PDE1A: variants seen among roughly 807,000 people sequenced by gnomAD.
PDE1A encodes phosphodiesterase 1A, also known as dual specificity calcium/calmodulin-dependent 3',5'-cyclic nucleotide phosphodiesterase 1A.
PDE1A carries 35 observed loss-of-function variants against 61.7 expected under a neutral mutation model. That is an observed-to-expected ratio of 0.57 (90% CI 0.43 to 0.75). The LOEUF is 0.75. Ranked by LOEUF, PDE1A falls within the 30% of genes least tolerant of loss-of-function variation. The probability of loss-of-function intolerance (pLI) is 0.00; values close to 1 mark genes in which losing one functional copy is unlikely to be tolerated. For synonymous variants in PDE1A, 232 were observed against 213.2 expected, an observed-to-expected ratio of 1.09 and a Z score of -0.77; for missense variants, 597 against 630.6, an observed-to-expected ratio of 0.95 and a Z score of 0.57.
At chr2:182,606,496 A>G in the PDE1A span, among the ~76,000 whole-genome samples, 11 of 152,188 alleles carry the variant, frequency 7.2e-5, no homozygotes, top group African/African-American at 2.7e-4. Context: ...GTATTTATAT[A>G]ATGAAAATTC....
At chr2:182,145,320 T>C (rs2125258454), downstream of PDE1A, among the ~76,000 whole-genome samples, 1 of 152,156 alleles carries the variant, frequency 6.6e-6, no homozygotes, top group South Asian at 2.1e-4. Flanking sequence ...GGCAGGGCTT[T>C]CTCAAACTGA....
upstream of PDE1A, among the ~76,000 whole-genome samples, chr2:182,525,922 G>GA (rs10709860): frequency 1.3e-5 from 2 of 151,088 alleles, no homozygotes; most frequent in South Asian, 2.1e-4. Flanking sequence ...CCTGAAAAAA[G>GA]AAAAAAAAGT....
At chr2:182,269,306 T>C (rs1459684881) in intron 1 of PDE1A, among the ~76,000 whole-genome samples, 2 of 151,870 alleles carry the variant, frequency 1.3e-5, no homozygotes, top group Non-Finnish European at 2.9e-5. Flanking sequence ...CTGGCCAACA[T>C]GGAGAAACTC....
At chr2:182,695,438 TG>T in the PDE1A span, among the ~76,000 whole-genome samples, 1 of 151,984 alleles carries the variant, frequency 6.6e-6, no homozygotes, top group Non-Finnish European at 1.5e-5. Context: ...TTAAAATTTC[TG>T]CTCTGCAAAA....
chr2:182,426,308 A>G (rs973473630), intron 1 of PDE1A, among the ~76,000 whole-genome samples: 2 of 152,240 alleles, frequency 1.3e-5, no homozygotes, highest in African/African-American at 2.4e-5. Context: ...AGATTGCATA[A>G]CGTTTCCAAA....
At chr2:182,201,662 A>AAAAAAC in intron 9 of PDE1A, 26 bp downstream of exon 9, 1 of 1,545,014 alleles carries the variant, frequency 6.5e-7, no homozygotes, top group Non-Finnish European at 8.7e-7. Context: ...AAAAAAAAAA[A>AAAAAAC]ACAACAAAAA....
chr2:182,304,858 T>C (rs900997989), intron 1 of PDE1A, among the ~76,000 whole-genome samples: 1 of 152,182 alleles, frequency 6.6e-6, no homozygotes, highest in Non-Finnish European at 1.5e-5. Context: ...TTGCAAGAAT[T>C]ACTAAAATAT....
the PDE1A span, among the ~76,000 whole-genome samples, chr2:182,652,259 T>C: frequency 6.6e-6 from 1 of 152,274 alleles, no homozygotes; most frequent in African/African-American, 2.4e-5. Context: ...GTGTTTTAAA[T>C]ATTCTTTGGG....
At chr2:182,423,314 T>C (rs1045427970) in intron 1 of PDE1A, among the ~76,000 whole-genome samples, 10 of 152,144 alleles carry the variant, frequency 6.6e-5, no homozygotes, top group African/African-American at 2.4e-4. Flanking sequence ...ATAGATTTGA[T>C]AACCTAACTA....
At chr2:182,187,672 C>T (rs879818444) in intron 11 of PDE1A, among the ~76,000 whole-genome samples, 28 of 150,234 alleles carry the variant, frequency 1.9e-4, no homozygotes, top group Non-Finnish European at 3.3e-4. Context: ...TGGATGCCTT[C>T]AAGTTAAATC....
chr2:182,149,686 G>T (rs937469296), intron 13 of PDE1A, among the ~76,000 whole-genome samples: 5 of 152,056 alleles, frequency 3.3e-5, no homozygotes, highest in African/African-American at 1.2e-4. Context: ...CATAAAAAAA[G>T]AAGTCATTCT....
At chr2:182,443,563 T>C (rs1684930960) in intron 2 of PDE1A, among the ~76,000 whole-genome samples, 1 of 152,066 alleles carries the variant, frequency 6.6e-6, no homozygotes, top group South Asian at 2.1e-4. Flanking sequence ...GTCTCTCTCC[T>C]GTCAACATGT....
At chr2:182,654,728 C>G in the PDE1A span, among the ~76,000 whole-genome samples, 3 of 152,186 alleles carry the variant, frequency 2.0e-5, no homozygotes, top group Non-Finnish European at 4.4e-5. Flanking sequence ...AATGAATGGG[C>G]TCTGGCTCTG....
At chr2:182,387,983 AG>A (rs1701215260) in intron 1 of PDE1A, among the ~76,000 whole-genome samples, 1 of 152,182 alleles carries the variant, frequency 6.6e-6, no homozygotes, top group South Asian at 2.1e-4. Context: ...GTGAAGGGAT[AG>A]AAAAAGATAT....
chr2:182,279,987 T>C (rs1693695792), intron 1 of PDE1A, among the ~76,000 whole-genome samples: 1 of 151,982 alleles, frequency 6.6e-6, no homozygotes, highest in African/African-American at 2.4e-5. Flanking sequence ...TTTTTATATA[T>C]CTGCTCCATT....
chr2:182,407,777 C>T (rs1446477161), intron 1 of PDE1A, among the ~76,000 whole-genome samples: 1 of 152,150 alleles, frequency 6.6e-6, no homozygotes, highest in African/African-American at 2.4e-5. Context: ...ATGTATGTAG[C>T]TAAGTCTTCA....
the PDE1A span, among the ~76,000 whole-genome samples, chr2:182,662,539 C>T: frequency 0.69 from 104,338 of 151,850 alleles, 36,215 homozygotes; most frequent in Middle Eastern, 0.76. Context: ...AGCCTGCACA[C>T]CTACAACTGT....
chr2:182,151,967 A>T (rs1222835430), intron 13 of PDE1A, among the ~76,000 whole-genome samples: 2 of 152,174 alleles, frequency 1.3e-5, no homozygotes, highest in Non-Finnish European at 2.9e-5. Flanking sequence ...AATTTGGGAG[A>T]CAGAATCACA....
At chr2:182,611,260 G>C in the PDE1A span, among the ~76,000 whole-genome samples, 176 of 152,274 alleles carry the variant, frequency 1.2e-3, no homozygotes, top group Middle Eastern at 6.8e-3. Flanking sequence ...GAGCCACACA[G>C]AACTCCAAGC....
Sources: allele counts gnomAD v4.1 joint callset (sites outside exome capture counted in the v4.1 genomes callset), GRCh38; gene constraint gnomAD v4.1.1; transcripts MANE v1.5; gene names NCBI Gene and HGNC (gene_info 2026-07-23, HGNC 2026-07-21).